Variants in TCF20 observed in about 807,000 individuals in gnomAD.
TCF20 encodes the protein transcription factor 20.
A neutral mutation model predicts 148.6 loss-of-function variants in TCF20; 3 were observed. The observed-to-expected ratio is 0.02, with a 90% CI of 0.01 to 0.05. The LOEUF is 0.05. Ranked by LOEUF, TCF20 falls within the 10% of genes least tolerant of loss-of-function variation. TCF20 has a pLI of 1.00. For synonymous variants in TCF20, 1,049 were observed against 909.5 expected, an observed-to-expected ratio of 1.15 and a Z score of -2.76; for missense variants, 2,350 against 2,429.3, an observed-to-expected ratio of 0.97 and a Z score of 0.69.
chr22:42,268,229 G>T (rs1207653981), intron 1 of TCF20, among the ~76,000 whole-genome samples: 2 of 152,174 alleles, frequency 1.3e-5, no homozygotes, highest in African/African-American at 4.8e-5. Flanking sequence ...AAGACATATT[G>T]TAACATATTG....
At chr22:42,261,421 A>C (rs531844502) in intron 1 of TCF20, among the ~76,000 whole-genome samples, 2 of 152,320 alleles carry the variant, frequency 1.3e-5, no homozygotes, top group South Asian at 2.1e-4. Flanking sequence ...AAGTGGTTGC[A>C]TCATTTTATA....
At chr22:42,302,893 G>A (rs1927363411) in intron 1 of TCF20, among the ~76,000 whole-genome samples, 1 of 152,208 alleles carries the variant, frequency 6.6e-6, no homozygotes, top group Non-Finnish European at 1.5e-5. Flanking sequence ...GGGTTTAATA[G>A]ATGCTGGGGT....
intron 2 of TCF20, among the ~76,000 whole-genome samples, chr22:42,183,191 G>A (rs1225778353): frequency 1.3e-5 from 2 of 152,218 alleles, no homozygotes; most frequent in Non-Finnish European, 2.9e-5. Flanking sequence ...CAATGACTGG[G>A]TGAGCTAGGA....
chr22:42,288,192 C>G (rs916370192), upstream of TCF20, among the ~76,000 whole-genome samples: 16 of 152,070 alleles, frequency 1.1e-4, no homozygotes, highest in African/African-American at 3.9e-4. Flanking sequence ...GCCAGGAGTT[C>G]AAGACCAGCC....
At chr22:42,324,266 A>C (rs1601707192) in intron 1 of TCF20, among the ~76,000 whole-genome samples, 1 of 145,968 alleles carries the variant, frequency 6.9e-6, no homozygotes, top group South Asian at 2.2e-4. Context: ...AGGGGAAGGG[A>C]ACAAAGGAAA....
At chr22:42,201,446 T>C (rs958009297) in intron 2 of TCF20, among the ~76,000 whole-genome samples, 1 of 152,132 alleles carries the variant, frequency 6.6e-6, no homozygotes, top group African/African-American at 2.4e-5. Flanking sequence ...GGCCTTTTAG[T>C]GCTGACATGT....
intron 1 of TCF20, among the ~76,000 whole-genome samples, chr22:42,237,849 T>C (rs567007540): frequency 1.3e-5 from 2 of 152,344 alleles, no homozygotes; most frequent in Non-Finnish European, 2.9e-5. Flanking sequence ...CCTTAAAATA[T>C]TCATTAAACC....
intron 1 of TCF20, among the ~76,000 whole-genome samples, chr22:42,239,401 C>T (rs898064245): frequency 6.0e-5 from 9 of 150,824 alleles, no homozygotes; most frequent in South Asian, 2.1e-4. Context: ...ACTTGAACCC[C>T]GGAGGCGGAG....
chr22:42,199,277 A>C, intron 2 of TCF20, among the ~76,000 whole-genome samples: 1 of 152,118 alleles, frequency 6.6e-6, no homozygotes, highest in Admixed American at 6.5e-5. Flanking sequence ...CCTGTGGCCA[A>C]TTTTTCTTTT....
At chr22:42,285,617 T>C (rs1016891542), upstream of TCF20, among the ~76,000 whole-genome samples, 8 of 152,150 alleles carry the variant, frequency 5.3e-5, no homozygotes, top group African/African-American at 1.9e-4. This position sits in a 1 kb window ranked among gnomAD's most constrained non-coding sequence, Gnocchi z 4.2. Flanking sequence ...CTTTGGTTTT[T>C]ATTTTTATTT....
At position 42,179,650 on chromosome 22, in the gene TCF20, C is replaced by A. The variant is rs1461795194; in HGVS notation, c.5708G>T (p.Gly1903Val). The A allele has an allele frequency of 6.2e-7, 1 of 1,614,010 alleles. No homozygotes were observed. The highest frequency in any genetic ancestry group is 8.5e-7 in the Non-Finnish European group (1 of 1,180,006). ...AGATLGCYNK[G>V]CSFRYHYPCA... ...CGGGTAATGGTATCGGAAGGAGCAG[C>A]CTTTGTTGTAGCAGCCCAAGGTGGC... Residue 1903 changes from glycine (G) to valine (V), a missense_variant, in exon 3 of 6, where the codon GGC becomes GTC. Gly to Val is a moderately radical substitution (Grantham distance 109). Around this residue, in one of 7 missense-constraint regions of TCF20, gnomAD observed 30 missense variants for 59.5 expected, o/e 0.50. Coordinates refer to ENST00000677622, the MANE Select transcript of TCF20 (RefSeq NM_001378418.1).
chr22:42,266,115 G>C (rs1003990342), intron 1 of TCF20, among the ~76,000 whole-genome samples: 6 of 151,596 alleles, frequency 4.0e-5, no homozygotes, highest in Non-Finnish European at 8.8e-5. Flanking sequence ...ACAGCAGGAA[G>C]ATATGGATTC....
upstream of TCF20, chr22:42,274,868 CCCAGAGGAAT>C (rs1926738232): frequency 6.6e-6 from 1 of 152,186 alleles, no homozygotes; most frequent in South Asian, 2.1e-4. Context: ...GATGATACAG[CCCAGAGGAAT>C]CCAGGCTTAC....
chr22:42,285,433 C>G (rs755501188), upstream of TCF20, among the ~76,000 whole-genome samples: 22 of 151,994 alleles, frequency 1.4e-4, no homozygotes, highest in Admixed American at 1.4e-3. The surrounding 1 kb of genome is among the most constrained non-coding windows in gnomAD (Gnocchi z 4.2). Flanking sequence ...GGGACCCCCT[C>G]CGAGCAGCGC....
chr22:42,277,300 G>A (rs1220510176), intron 1 of TCF20, among the ~76,000 whole-genome samples: 2 of 152,192 alleles, frequency 1.3e-5, no homozygotes, highest in Admixed American at 1.3e-4. Context: ...TTGATCCCAA[G>A]GGTCCCTGTG....
chr22:42,199,444 G>C (rs994362795), intron 2 of TCF20, among the ~76,000 whole-genome samples: 1 of 152,118 alleles, frequency 6.6e-6, no homozygotes, highest in Admixed American at 6.5e-5. Context: ...TGAGGAAATA[G>C]GGTACAACTG....
intron 1 of TCF20, among the ~76,000 whole-genome samples, chr22:42,326,419 G>A (rs1927876847): frequency 6.6e-6 from 1 of 152,178 alleles, no homozygotes; most frequent in Non-Finnish European, 1.5e-5. Flanking sequence ...CAAGAGCCGT[G>A]CACCAAATCC....
chr22:42,258,078 C>G (rs1925839253), intron 1 of TCF20, among the ~76,000 whole-genome samples: 1 of 152,164 alleles, frequency 6.6e-6, no homozygotes, highest in South Asian at 2.1e-4. Context: ...TCACTGGAAT[C>G]CAAAACTAGA....
At chr22:42,207,563 C>G (rs1938471223) in intron 2 of TCF20, among the ~76,000 whole-genome samples, 1 of 152,030 alleles carries the variant, frequency 6.6e-6, no homozygotes, top group African/African-American at 2.4e-5. Flanking sequence ...AGCCTGTAAT[C>G]CCAGCACTTT....
Sources: allele counts gnomAD v4.1 joint callset (sites outside exome capture counted in the v4.1 genomes callset), GRCh38; gene constraint gnomAD v4.1.1; regional missense constraint gnomAD v4.1.1; non-coding constraint Gnocchi (gnomAD v3.1); transcripts MANE v1.5; gene names NCBI Gene and HGNC (gene_info 2026-07-23, HGNC 2026-07-21).